TOPAZ1: variants seen among roughly 807,000 people sequenced by gnomAD.
TOPAZ1 encodes the protein protein TOPAZ1.
TOPAZ1 carries 66 observed loss-of-function variants against 172.2 expected under a neutral mutation model. The observed-to-expected ratio is 0.38, with a 90% CI of 0.31 to 0.47. The LOEUF (loss-of-function observed/expected upper bound fraction) is 0.47. TOPAZ1 is among the 20% of genes least tolerant of loss of function. The pLI, the probability that TOPAZ1 is intolerant of heterozygous loss-of-function variation, is 0.99. For missense variants in TOPAZ1, 1,822 were observed against 1,972.4 expected, an observed-to-expected ratio of 0.92 and a Z score of 1.44; for synonymous variants, 681 against 683.9, an observed-to-expected ratio of 1.00 and a Z score of 0.07.
intron 3 of TOPAZ1, 33 bp downstream of exon 3, chr3:44,255,062 T>C (rs1428874830): frequency 6.7e-7 from 1 of 1,491,742 alleles, no homozygotes; most frequent in Non-Finnish European, 9.1e-7. Context: ...TATGCAATAT[T>C]GAAGCATCTC....
Position 44,290,550 on chromosome 3 carries a change from G to A in TOPAZ1, c.3682-221G>A, listed in dbSNP as rs772583505. ...GATAAAGTGGTTGAGATAACTTAGA[G>A]AGCAGGAAGAAAATCCAAAAACTTA... On this transcript the variant is annotated intron_variant, in intron 11 of 19. Transcript: ENST00000309765. Among the ~76,000 whole-genome samples the A allele has an allele frequency of 4.4e-4, 67 of 152,340 alleles. 1 individual carries two copies. The highest frequency in any genetic ancestry group is 1.3e-4 in the Non-Finnish European group (9 of 68,032).
chr3:44,267,305 T>C (rs1699841206), intron 6 of TOPAZ1, among the ~76,000 whole-genome samples, 169 bp downstream of exon 6: 3 of 148,536 alleles, frequency 2.0e-5, no homozygotes, highest in Admixed American at 2.0e-4. Flanking sequence ...TTTTTTTTTT[T>C]TTTTTTGAGA....
At chr3:44,280,619 G>A (rs1419245725) in intron 8 of TOPAZ1, among the ~76,000 whole-genome samples, 1 of 152,172 alleles carries the variant, frequency 6.6e-6, no homozygotes, top group Admixed American at 6.5e-5. Context: ...TGAGATTACA[G>A]GCATGAGCTG....
Position 44,243,523 on chromosome 3 carries a change from A to G in TOPAZ1, c.1017A>G (p.Lys339=). The change falls in exon 2 of 20, where the codon AAA becomes AAG. Residue 339 remains lysine (K), a synonymous_variant. Transcript: ENST00000309765. ...KPRKRMKLSE[K]ADETVTEMNF... is the part of the protein sequence containing the mutation. ...GGAAAAGGATGAAGTTGTCTGAAAA[A>G]GCAGATGAAACAGTTACTGAGATGA... 6.4e-7 allele frequency: 1 copy of G among 1,551,706 alleles called. No homozygotes were observed.
chr3:44,298,543 A>G (rs1258137628), intron 12 of TOPAZ1, among the ~76,000 whole-genome samples: 11 of 152,098 alleles, frequency 7.2e-5, no homozygotes, highest in African/African-American at 2.7e-4. Flanking sequence ...GTAATTAAGA[A>G]AGTATGTTAT....
Position 44,323,119 on chromosome 3 carries a change from T to G in TOPAZ1, c.4499T>G (p.Leu1500Arg). 6.5e-7 allele frequency: 1 copy of G among 1,543,240 alleles called. No individual in the cohort carries two copies. Among genetic ancestry groups the G allele is most frequent in the South Asian group, 1.2e-5 (1 of 81,712 alleles). The change falls in exon 18 of 20, where the codon CTT (leucine) becomes CGT (arginine). Residue 1500 changes from leucine to arginine, a missense_variant. Leu to Arg is a moderately radical substitution (Grantham distance 102). Around this residue, in one of 2 missense-constraint regions of TOPAZ1, gnomAD observed 333 missense variants for 481.7 expected, o/e 0.69. Coordinates refer to ENST00000309765, the MANE Select transcript of TOPAZ1 (RefSeq NM_001145030.2). ...QETVEVSQYSLLFNKLLGSCI... is the reference protein window; with the variant it reads ...QETVEVSQYSRLFNKLLGSCI... ...ACTGTGGAAGTCTCACAATATAGCC[T>G]TCTTTTTAATAAGCTTCTAGGTTCC...
At chr3:44,242,425 C>T in intron 1 of TOPAZ1, 26 bp downstream of exon 1, 4 of 1,549,144 alleles carry the variant, frequency 2.6e-6, no homozygotes, top group South Asian at 1.2e-5. Flanking sequence ...CGATCACTTA[C>T]CTTTAGCCCT....
chr3:44,246,056 T>G lies in TOPAZ1; in HGVS notation c.2765+785T>G, dbSNP rs567963670. 1.1e-4 allele frequency among the ~76,000 whole-genome samples: 16 copies of G among 152,362 alleles called. No individual in the cohort carries two copies. The South Asian group carries it at 3.3e-3, about 32-fold the overall frequency. On this transcript the variant is annotated intron_variant, in intron 2 of 19. Coordinates refer to ENST00000309765, the MANE Select transcript of TOPAZ1 (RefSeq NM_001145030.2). ...CAGAGACGCCTTGGAAATTTTTATTTGAAGTAATTAGGGCTTGAAAGTAGA... is the reference window on the plus strand; with the variant it reads ...CAGAGACGCCTTGGAAATTTTTATTGGAAGTAATTAGGGCTTGAAAGTAGA...
At position 44,263,586 on chromosome 3, in the gene TOPAZ1, A is replaced by T. The variant is rs575646064; in HGVS notation, c.3020+1103A>T. ...TCCCAAGTTGGGGAGAGAAGTGAATATCTTTATTTTGTGTGAAAATCTTAA... is the reference window on the plus strand; with the variant it reads ...TCCCAAGTTGGGGAGAGAAGTGAATTTCTTTATTTTGTGTGAAAATCTTAA... On this transcript the variant is annotated intron_variant, in intron 5 of 19. Coordinates refer to ENST00000309765, the MANE Select transcript of TOPAZ1 (RefSeq NM_001145030.2). 5.3e-5 allele frequency among the ~76,000 whole-genome samples: 8 copies of T among 152,344 alleles called. No individual in the cohort carries two copies. The South Asian group carries it at 1.4e-3, about 28-fold the overall frequency.
rs1699522007 is a variant in TOPAZ1, at chr3:44,243,844, T to C, written c.1338T>C (p.Phe446=). The change falls in exon 2 of 20, where the codon TTT becomes TTC. Residue 446 remains phenylalanine, a synonymous_variant. Transcript: ENST00000309765. ...GYESMASKED[F]KSMKSFIGKS... ...AAAGCATGGCATCGAAAGAGGATTT[T>C]AAATCGATGAAAAGCTTCATAGGGA... The C allele has an allele frequency of 1.3e-6, 2 of 1,551,634 alleles. No individual in the cohort carries two copies. The highest frequency in any genetic ancestry group is 8.7e-7 in the Non-Finnish European group (1 of 1,146,990).
In TOPAZ1 at chr3:44,331,856, G is replaced by A; in HGVS notation, c.4924G>A (p.Ala1642Thr). 6.4e-7 allele frequency: 1 copy of A among 1,551,948 alleles called. No individual in the cohort carries two copies. The highest frequency in any genetic ancestry group is 8.7e-7 in the Non-Finnish European group (1 of 1,147,054). The change falls in exon 20 of 20, where the codon GCT (alanine) becomes ACT (threonine). Residue 1642 changes from alanine (A) to threonine (T), a missense_variant. Ala to Thr is a moderately conservative substitution (Grantham distance 58). This residue lies in a region of TOPAZ1 where 333 missense variants were observed against 481.7 expected (regional missense o/e 0.69). Transcript: ENST00000309765. ...AGCTGCAGTAGAAAGGTTAATTATG[G>A]CTGCTCGTATATCAGATCCAAAGCT... is the stretch of plus-strand genomic sequence containing the variant. ...YQAAVERLIMAARISDPKLFV... is the reference protein window; with the variant it reads ...YQAAVERLIMTARISDPKLFV...
intron 17 of TOPAZ1, among the ~76,000 whole-genome samples, chr3:44,322,268 A>T (rs950422815): frequency 2.0e-5 from 3 of 152,218 alleles, no homozygotes; most frequent in African/African-American, 7.2e-5. Context: ...TCTAAGAATA[A>T]CTGAAGGAAT....
chr3:44,279,307 A>G (rs1361753405), intron 8 of TOPAZ1, among the ~76,000 whole-genome samples: 1 of 152,162 alleles, frequency 6.6e-6, no homozygotes, highest in African/African-American at 2.4e-5. Context: ...GTTGGATGAA[A>G]TGTTCTGTAA....
At chr3:44,242,769 C>A in intron 1 of TOPAZ1, 84 bp from the exon 2 acceptor site, 1 of 1,085,206 alleles carries the variant, frequency 9.2e-7, no homozygotes, top group Non-Finnish European at 1.3e-6. Context: ...AAAATGATAG[C>A]CTCACAATTT....
rs1559549320 is a variant in TOPAZ1, at chr3:44,323,076, A to G, written c.4472-16A>G. On this transcript the variant is annotated splice_polypyrimidine_tract_variant and intron_variant, in intron 17 of 19. Coordinates refer to ENST00000309765, the MANE Select transcript of TOPAZ1 (RefSeq NM_001145030.2). Reference sequence around the variant, plus strand: ...TAATATAAATGAATTTTATTATATCATTTTTTTTATTCCAGAAACTGTGGA... The same window carrying G: ...TAATATAAATGAATTTTATTATATCGTTTTTTTTATTCCAGAAACTGTGGA... The G allele has an allele frequency of 6.8e-7, 1 of 1,474,158 alleles. No individual in the cohort carries two copies. Among genetic ancestry groups the G allele is most frequent in the East Asian group, 2.5e-5 (1 of 40,162 alleles). 91.3% of individuals were successfully genotyped at this position (1,474,158 alleles called of 1,614,324 possible). A position where few individuals can be genotyped will look rare whatever the true frequency, so the allele number is the denominator to read the frequency against.
intron 7 of TOPAZ1, among the ~76,000 whole-genome samples, chr3:44,269,911 A>C (rs1575714170): frequency 6.6e-6 from 1 of 152,282 alleles, no homozygotes; most frequent in African/African-American, 2.4e-5. Flanking sequence ...GGCGTGAGCC[A>C]CTGTGCCCAG....
chr3:44,288,094 C>T (rs531428640), intron 11 of TOPAZ1, among the ~76,000 whole-genome samples: 20 of 152,056 alleles, frequency 1.3e-4, no homozygotes, highest in Admixed American at 9.2e-4. Context: ...GTCTCTACTC[C>T]GTAAGGATGA....
In TOPAZ1 at chr3:44,243,882, A is replaced by T; in HGVS notation, c.1376A>T (p.Glu459Val). 1 of 1,551,826 alleles carries T rather than the reference A, an allele frequency of 6.4e-7. No homozygotes were observed. Among genetic ancestry groups the T allele is most frequent in the East Asian group, 2.4e-5 (1 of 40,870 alleles). The change falls in exon 2 of 20, where the codon GAG becomes GTG. Residue 459 changes from glutamate to valine, a missense_variant. This residue lies in a region of TOPAZ1 where 1,489 missense variants were observed against 1,490.8 expected (regional missense o/e 1.00). Transcript: ENST00000309765. ...AGCTTCATAGGGAAATCACCTAATG[A>T]GTACCATATTGAAAGGAGATCTTCA... ...MKSFIGKSPN[E>V]YHIERRSSRE...
intron 3 of TOPAZ1, among the ~76,000 whole-genome samples, chr3:44,255,702 CACACACACACACACACACAT>C (rs1261244481): frequency 4.6e-4 from 52 of 113,888 alleles, no homozygotes; most frequent in East Asian, 1.5e-3. Flanking sequence ...CACACACACA[CACACACACACACACACACAT>C]ATATATATGG....
Sources: gnomAD v4.1 joint callset for allele counts (sites outside exome capture counted in the v4.1 genomes callset) on GRCh38, gnomAD v4.1.1 for gene constraint, gnomAD v4.1.1 regional missense constraint, MANE v1.5 for transcripts, NCBI Gene and HGNC (gene_info 2026-07-23, HGNC 2026-07-21) for gene names.